The following HIVEP1 variants were observed in gnomAD, a reference collection of about 807,000 sequenced individuals.
The protein encoded by HIVEP1 is HIVEP zinc finger 1.
Under a neutral mutation model 180.0 loss-of-function variants are expected in HIVEP1, and 36 were observed. That is an observed-to-expected ratio of 0.20 (90% CI 0.15 to 0.26). The LOEUF is 0.26. HIVEP1 is among the 10% of genes least tolerant of loss of function. HIVEP1 has a pLI of 1.00. For missense variants in HIVEP1, 3,143 were observed against 3,268.7 expected (o/e 0.96, Z 0.94); for synonymous variants, 1,239 against 1,239.0 (o/e 1.00, Z 0.00).
chr6:12,193,864 T>C, the HIVEP1 span, among the ~76,000 whole-genome samples: 1 of 152,356 alleles, frequency 6.6e-6, no homozygotes, highest in Admixed American at 6.5e-5. Context: ...CTGGCTCAGT[T>C]TTAGAACTTA....
chr6:12,065,816 A>G (rs1237214741), intron 2 of HIVEP1, among the ~76,000 whole-genome samples: 3 of 152,144 alleles, frequency 2.0e-5, no homozygotes, highest in African/African-American at 7.2e-5. Flanking sequence ...TCTATGATGC[A>G]GTTAGCTTCT....
At chr6:12,171,841 C>G in the HIVEP1 span, among the ~76,000 whole-genome samples, 1 of 152,170 alleles carries the variant, frequency 6.6e-6, no homozygotes, top group Non-Finnish European at 1.5e-5. Flanking sequence ...TCAAGGAAGA[C>G]TGCAAGGTTA....
intron 2 of HIVEP1, among the ~76,000 whole-genome samples, chr6:12,050,211 C>G (rs888090268): frequency 6.6e-6 from 1 of 152,204 alleles, no homozygotes; most frequent in African/African-American, 2.4e-5. Flanking sequence ...TCCACATGCT[C>G]TCTACTTGCC....
chr6:12,010,372 T>G (rs920458423), upstream of HIVEP1, among the ~76,000 whole-genome samples: 1 of 152,214 alleles, frequency 6.6e-6, no homozygotes, highest in Non-Finnish European at 1.5e-5. Flanking sequence ...ATTCCATTTT[T>G]AATCATTCCC....
rs768349582 is a variant in HIVEP1, at chr6:12,163,870, G to A, written c.7566G>A (p.Leu2522=). The A allele has an allele frequency of 1.2e-6, 2 of 1,614,152 alleles. No individual in the cohort carries two copies. Among genetic ancestry groups the A allele is most frequent in the South Asian group, 2.2e-5 (2 of 91,090 alleles). The part of the protein sequence containing the change: ...PPGLALNAVG[L]QVLTANPSSQ... ...GACTGGCTCTGAATGCTGTCGGACT[G>A]CAGGTTCTGACTGCAAACCCTTCAT... Residue 2522 remains leucine (L), a synonymous_variant, in exon 9 of 9, where the codon CTG becomes CTA. Coordinates refer to ENST00000379388, the MANE Select transcript of HIVEP1 (RefSeq NM_002114.4).
intron 1 of HIVEP1, 82 bp downstream of exon 1, chr6:12,012,648 C>T (rs866553446): frequency 7.8e-5 from 11 of 140,852 alleles, no homozygotes; most frequent in African/African-American, 2.7e-4. Flanking sequence ...GAGCACATCC[C>T]TTCGGCGGGC....
At chr6:12,075,341 T>A (rs2113798267) in intron 2 of HIVEP1, among the ~76,000 whole-genome samples, 1 of 152,364 alleles carries the variant, frequency 6.6e-6, no homozygotes, top group East Asian at 1.9e-4. Context: ...TATTCTGTTA[T>A]CCTTTTCAGC....
chr6:12,067,211 T>A (rs553846215), intron 2 of HIVEP1, among the ~76,000 whole-genome samples: 10 of 152,178 alleles, frequency 6.6e-5, no homozygotes, highest in Non-Finnish European at 1.3e-4. Context: ...GTATTATGGA[T>A]CTTGCAGTTG....
chr6:12,100,500 C>T (rs909092702), intron 3 of HIVEP1, among the ~76,000 whole-genome samples: 3 of 152,136 alleles, frequency 2.0e-5, no homozygotes, highest in African/African-American at 7.2e-5. Context: ...CAGTAAGAGA[C>T]AGACATAACA....
At chr6:12,154,496 T>C (rs963977784) in intron 7 of HIVEP1, among the ~76,000 whole-genome samples, 3 of 152,218 alleles carry the variant, frequency 2.0e-5, no homozygotes, top group Non-Finnish European at 4.4e-5. Flanking sequence ...TAGGTTCACC[T>C]CACATCCTAG....
chr6:12,107,894 C>A (rs1023337017), intron 3 of HIVEP1, among the ~76,000 whole-genome samples: 1 of 152,160 alleles, frequency 6.6e-6, no homozygotes, highest in African/African-American at 2.4e-5. Flanking sequence ...CGTTTACAAT[C>A]GCTGAGCTAG....
the HIVEP1 span, among the ~76,000 whole-genome samples, chr6:12,199,935 T>C: frequency 1.3e-5 from 2 of 152,188 alleles, no homozygotes; most frequent in African/African-American, 4.8e-5. Context: ...TTACCTTCAG[T>C]ATTCAGATAG....
chr6:12,045,591 G>A (rs1392138656), intron 2 of HIVEP1, among the ~76,000 whole-genome samples: 1 of 152,168 alleles, frequency 6.6e-6, no homozygotes, highest in South Asian at 2.1e-4. Flanking sequence ...TTCAGTAAAT[G>A]CATGTTGAGT....
chr6:12,062,213 T>A (rs1375814558), intron 2 of HIVEP1, among the ~76,000 whole-genome samples: 1 of 152,204 alleles, frequency 6.6e-6, no homozygotes, highest in Non-Finnish European at 1.5e-5. Context: ...AGAATTTACT[T>A]AGAAATTATT....
chr6:12,008,791 A>G (rs1038842965), upstream of HIVEP1: 4 of 152,070 alleles, frequency 2.6e-5, no homozygotes, highest in Non-Finnish European at 5.9e-5. Context: ...CCAACCTAGG[A>G]GGCTTTTGGT....
chr6:12,139,453 T>G (rs1356010193), intron 7 of HIVEP1, among the ~76,000 whole-genome samples: 1 of 152,186 alleles, frequency 6.6e-6, no homozygotes, highest in African/African-American at 2.4e-5. Context: ...CATTTCCAAC[T>G]GAGGTACCTG....
intron 2 of HIVEP1, among the ~76,000 whole-genome samples, chr6:12,053,617 T>C (rs866131505): frequency 1.3e-5 from 2 of 152,052 alleles, no homozygotes; most frequent in Admixed American, 6.5e-5. Flanking sequence ...AAGGGCAGAA[T>C]TGATTCCATG....
intron 2 of HIVEP1, among the ~76,000 whole-genome samples, chr6:12,053,807 A>G (rs1479913587): frequency 6.6e-6 from 1 of 152,262 alleles, no homozygotes; most frequent in African/African-American, 2.4e-5. Context: ...TAAATCTGCC[A>G]AGCTCTGTTA....
At chr6:12,049,126 A>C (rs146014896) in intron 2 of HIVEP1, among the ~76,000 whole-genome samples, 1 of 152,234 alleles carries the variant, frequency 6.6e-6, no homozygotes, top group South Asian at 2.1e-4. Flanking sequence ...CTTTATAACC[A>C]GAACATTTAT....
Sources: gnomAD v4.1 joint callset for allele counts (sites outside exome capture counted in the v4.1 genomes callset) on GRCh38, gnomAD v4.1.1 for gene constraint, MANE v1.5 for transcripts, NCBI Gene and HGNC (gene_info 2026-07-23, HGNC 2026-07-21) for gene names.